EML3: variants seen among roughly 807,000 people sequenced by gnomAD.
EML3 encodes EMAP like 3.
In EML3, 53 loss-of-function variants were observed where a neutral mutation model predicts 106.7. The ratio of observed to expected loss-of-function variants is 0.50; its 90% confidence interval spans 0.40 to 0.62. The LOEUF is 0.62. EML3 is among the 20% of genes least tolerant of loss of function. The probability of loss-of-function intolerance (pLI) is 0.00; values close to 1 mark genes in which losing one functional copy is unlikely to be tolerated. For missense variants in EML3, 994 were observed against 1,209.1 expected (o/e 0.82, Z 2.64); for synonymous variants, 499 against 489.6 (o/e 1.02, Z -0.25).
rs1231682376 is a variant in EML3, at chr11:62,605,988, G to C, written c.1657-8C>G. 1 of 1,613,984 alleles carries C rather than the reference G, an allele frequency of 6.2e-7. No individual in the cohort carries two copies. Among genetic ancestry groups the C allele is most frequent in the Non-Finnish European group, 8.5e-7 (1 of 1,180,026 alleles). ...CCCGAAGTGCTCGGGAATCTGCAGA[G>C]TGGTAGCAGAATGTCAAGAGCCCAC... On this transcript the variant is annotated splice_region_variant and splice_polypyrimidine_tract_variant and intron_variant, in intron 13 of 21. Coordinates refer to ENST00000394773, the MANE Select transcript of EML3 (RefSeq NM_153265.3). This position sits in a 1 kb window ranked among gnomAD's most constrained non-coding sequence, Gnocchi z 5.2.
At chr11:62,612,002 G>A in intron 1 of EML3, 1 of 365,188 alleles carries the variant, frequency 2.7e-6, no homozygotes, top group Non-Finnish European at 5.0e-6. Flanking sequence ...TGAGCCGGGG[G>A]AACACCAGGA....
At chr11:62,611,870 T>G in intron 1 of EML3, 1 of 505,994 alleles carries the variant, frequency 2.0e-6, no homozygotes, top group Non-Finnish European at 3.5e-6. Context: ...GGGGGGGAAA[T>G]ATGGAGTACT....
At position 62,607,724 on chromosome 11, in the gene EML3, C is replaced by T. The variant is rs1356140128; in HGVS notation, c.1304G>A (p.Ser435Asn). The change falls in exon 11 of 22, where the codon AGT (serine) becomes AAT (asparagine). Residue 435 changes from serine (S) to asparagine (N), a missense_variant. By Grantham distance (46) the Ser-to-Asn change is conservative. Transcript: ENST00000394773. Reference sequence around the variant, plus strand: ...ATTCCCAGGAACCCCTACTCCACCACTCCAATTCCAGAAGTGGACGTGAGA... The same window carrying T: ...ATTCCCAGGAACCCCTACTCCACCATTCCAATTCCAGAAGTGGACGTGAGA... ...GKSHVHFWNW[S>N]GGVGVPGNGT... The T allele has an allele frequency of 1.2e-6, 2 of 1,614,112 alleles. No homozygotes were observed. Among genetic ancestry groups the T allele is most frequent in the Admixed American group, 3.3e-5 (2 of 60,018 alleles).
At position 62,607,112 on chromosome 11, in the gene EML3, G is replaced by A. The variant is rs1942563146; in HGVS notation, c.1363-13C>T. ...GTTTCTTGTATTTCTAGTGGGAGGG[G>A]AGAGCAGACAGTAGAGGTCAAAGGG... is the stretch of plus-strand genomic sequence containing the variant. On this transcript the variant is annotated splice_polypyrimidine_tract_variant and intron_variant, in intron 11 of 21. Transcript: ENST00000394773. The A allele has an allele frequency of 1.2e-6, 2 of 1,613,224 alleles. No individual in the cohort carries two copies. Among genetic ancestry groups the A allele is most frequent in the South Asian group, 2.2e-5 (2 of 91,076 alleles).
At chr11:62,607,569 G>C (rs1942599672) in intron 11 of EML3, 97 bp downstream of exon 11, 1 of 1,401,170 alleles carries the variant, frequency 7.1e-7, no homozygotes, top group Non-Finnish European at 9.6e-7. Flanking sequence ...CACAGGGGCA[G>C]GTGGGGGTTA....
In EML3 at chr11:62,605,854, C is replaced by T. The variant is rs1474596545; in HGVS notation, c.1782+1G>A. 1.2e-6 allele frequency: 2 copies of T among 1,614,056 alleles called. No individual in the cohort carries two copies. Among genetic ancestry groups the T allele is most frequent in the Non-Finnish European group, 1.7e-6 (2 of 1,179,940 alleles). On this transcript the variant is annotated splice_donor_variant, in intron 14 of 21. Transcript: ENST00000394773. LOFTEE classifies it high-confidence loss of function. This position sits in a 1 kb window ranked among gnomAD's most constrained non-coding sequence, Gnocchi z 5.2. ...CCTCCCCTGAGCCCTTAACCCCCAA[C>T]CTGGATTACAGGGGAGAAGCCCTGG...
At chr11:62,609,756 G>A (rs962986861) in intron 4 of EML3, 60 bp from the exon 5 acceptor site, 36 of 1,451,560 alleles carry the variant, frequency 2.5e-5, no homozygotes, top group Non-Finnish European at 3.0e-5. Flanking sequence ...AAGCGGGGAG[G>A]GGCAGGACAC....
chr11:62,608,923 C>A, intron 7 of EML3, 39 bp downstream of exon 7: 1 of 1,609,414 alleles, frequency 6.2e-7, no homozygotes, highest in Non-Finnish European at 8.5e-7. Flanking sequence ...TCCCCCCAGA[C>A]CCTCTTCCTG....
At position 62,605,580 on chromosome 11, in the gene EML3, CGTG is replaced by C; in HGVS notation, c.1914+59_1914+61del. 1.3e-6 allele frequency: 2 copies of C among 1,499,850 alleles called. No homozygotes were observed. The highest frequency in any genetic ancestry group is 8.9e-7 in the Non-Finnish European group (1 of 1,125,550). 92.9% of individuals were successfully genotyped at this position (1,499,850 alleles called of 1,614,324 possible). Reference sequence around the variant, plus strand: ...GCAGAAGGCAAGGTGCTGGGGAAGGCGTGGTGGCCACAGGTGTCCTGGTGGGTG... The same window carrying C: ...GCAGAAGGCAAGGTGCTGGGGAAGGCGTGGCCACAGGTGTCCTGGTGGGTG... On this transcript the variant is annotated intron_variant, in intron 15 of 21. Coordinates refer to ENST00000394773, the MANE Select transcript of EML3 (RefSeq NM_153265.3). This position sits in a 1 kb window ranked among gnomAD's most constrained non-coding sequence, Gnocchi z 5.2.
At position 62,602,570 on chromosome 11, in the gene EML3, G is replaced by A; in HGVS notation, c.2596C>T (p.Gln866Ter). The change falls in exon 22 of 22, where the codon CAG (glutamine) becomes TAG (stop). Residue 866 changes from glutamine to a stop codon, truncating the protein, a stop_gained. Transcript: ENST00000394773. LOFTEE classifies it high-confidence loss of function. Reference sequence around the variant, plus strand: ...CCCCCAGCGCCCAGCACTCGCCACTGGAAGATGCTGGCGTCCTTGCCGCCC... The same window carrying A: ...CCCCCAGCGCCCAGCACTCGCCACTAGAAGATGCTGGCGTCCTTGCCGCCC... ...SLGGKDASIF[Q>*]WRVLGAGGAG... 1 of 1,530,394 alleles carries A rather than the reference G, an allele frequency of 6.5e-7. No individual in the cohort carries two copies. The highest frequency in any genetic ancestry group is 8.8e-7 in the Non-Finnish European group (1 of 1,139,054). The allele number at this position is 1,530,394 out of a possible 1,614,324, so 94.8% of individuals were successfully genotyped here.
In EML3 at chr11:62,607,804, G is replaced by A; in HGVS notation, c.1224C>T (p.Val408=). 1.2e-6 allele frequency: 2 copies of A among 1,613,888 alleles called. No individual in the cohort carries two copies. The highest frequency in any genetic ancestry group is 1.7e-6 in the Non-Finnish European group (2 of 1,179,908). The change falls in exon 11 of 22, where the codon GTC becomes GTT. Residue 408 remains valine, a synonymous_variant. Transcript: ENST00000394773. Reference sequence around the variant, plus strand: ...CACGAGGGTTGAAGCCAACGGCCAGGACTGAGTCATTTGTACTCTGAAGGG... The same window carrying A: ...CACGAGGGTTGAAGCCAACGGCCAGAACTGAGTCATTTGTACTCTGAAGGG... ...LAEIKSTNDS[V]LAVGFNPRDS...
rs1344317421 is a variant in EML3, at chr11:62,612,560, G to T, written c.-103C>A. On this transcript the variant is annotated 5_prime_UTR_variant, in exon 1 of 22. Transcript: ENST00000394773. ...AGGGGAAGCACCCCGGGGCGCGCGC[G>T]AAGGGCGCCGTACCACCACCCCGAG... is the stretch of plus-strand genomic sequence containing the variant. The T allele has an allele frequency of 1.7e-6, 2 of 1,166,120 alleles. No individual in the cohort carries two copies. Among genetic ancestry groups the T allele is most frequent in the Non-Finnish European group, 2.2e-6 (2 of 903,346 alleles). The allele number at this position is 1,166,120 out of a possible 1,614,324, so 72.2% of individuals were successfully genotyped here. A position where few individuals can be genotyped will look rare whatever the true frequency, so the allele number is the denominator to read the frequency against.
At chr11:62,606,253 G>T (rs1211869596) in intron 12 of EML3, 39 bp from the exon 13 acceptor site, 7 of 1,596,622 alleles carry the variant, frequency 4.4e-6, no homozygotes, top group Non-Finnish European at 4.3e-6. Context: ...TTTTGGGGGT[G>T]CAGGGGAGTG....
chr11:62,607,135 G>C, intron 11 of EML3, 36 bp from the exon 12 acceptor site: 2 of 1,608,854 alleles, frequency 1.2e-6, no homozygotes, highest in Middle Eastern at 1.7e-4. Context: ...AGAGGTCAAA[G>C]GGAAGGGCAA....
rs1264396729 is a variant in EML3, at chr11:62,602,399, G to A, written c.*76C>T. On this transcript the variant is annotated 3_prime_UTR_variant, in exon 22 of 22. Transcript: ENST00000394773. ...TCCAGGAAAGAGTCGGCCCCTAGTC[G>A]TGGGGGATTGGGCCAGGGAAGGGCA... The A allele has an allele frequency of 6.4e-7, 1 of 1,551,022 alleles. No individual in the cohort carries two copies. Among genetic ancestry groups the A allele is most frequent in the Non-Finnish European group, 8.7e-7 (1 of 1,146,768 alleles).
In EML3 at chr11:62,611,581, C is replaced by T. The variant is rs1373234810; in HGVS notation, c.38G>A (p.Arg13Gln). The change falls in exon 2 of 22, where the codon CGG (arginine) becomes CAG (glutamine). Residue 13 changes from arginine (R) to glutamine (Q), a missense_variant. By Grantham distance (43) the Arg-to-Gln change is conservative. This residue lies in a region of EML3 where 12 missense variants were observed against 23.5 expected (regional missense o/e 0.51). Coordinates refer to ENST00000394773, the MANE Select transcript of EML3 (RefSeq NM_153265.3). Reference sequence around the variant, plus strand: ...CTGGCTCAGAGACTGGAGGGCCTCCCGAGCAGGGCCGTCACCTGGGAAAAG... The same window carrying T: ...CTGGCTCAGAGACTGGAGGGCCTCCTGAGCAGGGCCGTCACCTGGGAAAAG... Reference protein sequence around the residue: ...GAAGPGDGPAREALQSLSQRL... With the variant: ...GAAGPGDGPAQEALQSLSQRL... 1 of 1,613,042 alleles carries T rather than the reference C, an allele frequency of 6.2e-7. No individual in the cohort carries two copies. Among genetic ancestry groups the T allele is most frequent in the Non-Finnish European group, 8.5e-7 (1 of 1,179,820 alleles).
In EML3 at chr11:62,611,531, T is replaced by A; in HGVS notation, c.88A>T (p.Met30Leu). The change falls in exon 2 of 22, where the codon ATG (methionine) becomes TTG (leucine). Residue 30 changes from methionine to leucine, a missense_variant. By Grantham distance (15) the Met-to-Leu change is conservative (BLOSUM62 2). Coordinates refer to ENST00000394773, the MANE Select transcript of EML3 (RefSeq NM_153265.3). ...GCCAGGGCTGCCTTTACCAGTTCCA[T>A]CTCCTGCTCCTGCACCCGAAGCCGC... ...SQRLRVQEQE[M>L]ELVKAALAEA... The A allele has an allele frequency of 6.2e-7, 1 of 1,613,748 alleles. No individual in the cohort carries two copies.
chr11:62,605,227 G>T lies in EML3; in HGVS notation c.1915-47C>A. ...ATTCAAGATGATGTCTTTCTAGTGA[G>T]GGAACCAGAGTGAACCCCTTGTCCT... On this transcript the variant is annotated intron_variant, in intron 15 of 21. Coordinates refer to ENST00000394773, the MANE Select transcript of EML3 (RefSeq NM_153265.3). The surrounding 1 kb of genome is among the most constrained non-coding windows in gnomAD (Gnocchi z 5.2). The T allele has an allele frequency of 6.3e-7, 1 of 1,590,402 alleles. No individual in the cohort carries two copies. The highest frequency in any genetic ancestry group is 1.1e-5 in the South Asian group (1 of 88,828).
At chr11:62,603,630 C>A in intron 19 of EML3, 99 bp downstream of exon 19, 1 of 1,003,316 alleles carries the variant, frequency 1.0e-6, no homozygotes, top group Non-Finnish European at 1.5e-6. Flanking sequence ...ACTTTAACCC[C>A]ATCTCCACTT....
Sources: allele counts gnomAD v4.1 joint callset, GRCh38; gene constraint gnomAD v4.1.1; regional missense constraint gnomAD v4.1.1; non-coding constraint Gnocchi (gnomAD v3.1); transcripts MANE v1.5; gene names NCBI Gene and HGNC (gene_info 2026-07-23, HGNC 2026-07-21).